Variants in NELL1 observed in about 807,000 individuals in gnomAD.
The protein encoded by NELL1 is protein kinase C-binding protein NELL1.
A neutral mutation model predicts 107.4 loss-of-function variants in NELL1; 76 were observed. The ratio of observed to expected loss-of-function variants is 0.71; its 90% CI spans 0.59 to 0.86. The LOEUF (loss-of-function observed/expected upper bound fraction) is 0.86. NELL1 is among the 40% of genes least tolerant of loss of function. The probability of loss-of-function intolerance (pLI) is 0.00; values close to 1 mark genes in which losing one functional copy is unlikely to be tolerated. For missense variants in NELL1, 1,024 were observed against 1,005.5 expected (o/e 1.02, Z -0.25); for synonymous variants, 353 against 341.2 (o/e 1.03, Z -0.38).
At chr11:20,709,722 G>A (rs1000560260) in intron 2 of NELL1, among the ~76,000 whole-genome samples, 1 of 152,078 alleles carries the variant, frequency 6.6e-6, no homozygotes, top group African/African-American at 2.4e-5. Flanking sequence ...TCTTTCAATA[G>A]TGTTTTGTAG....
chr11:20,920,446 G>C (rs539236314), intron 7 of NELL1, among the ~76,000 whole-genome samples: 1 of 152,122 alleles, frequency 6.6e-6, no homozygotes, highest in South Asian at 2.1e-4. Flanking sequence ...TTTTTGTCTG[G>C]AAAGGAGAGA....
chr11:21,045,829 G>T (rs1433155926), intron 12 of NELL1, among the ~76,000 whole-genome samples: 1 of 152,030 alleles, frequency 6.6e-6, no homozygotes, highest in Non-Finnish European at 1.5e-5. Context: ...CTTTAGTTTA[G>T]TCATAAATGC....
chr11:21,038,589 G>A (rs943771611), intron 12 of NELL1, among the ~76,000 whole-genome samples: 8 of 152,162 alleles, frequency 5.3e-5, no homozygotes, highest in Non-Finnish European at 8.8e-5. Context: ...CAACTCAAAC[G>A]CCACTGCCAA....
At chr11:20,814,250 T>C (rs1048458665) in intron 3 of NELL1, among the ~76,000 whole-genome samples, 7 of 152,210 alleles carry the variant, frequency 4.6e-5, no homozygotes, top group African/African-American at 9.6e-5. Context: ...CGCCTCGGCC[T>C]CCCAAAGTGC....
chr11:21,184,030 G>A (rs750417943), intron 13 of NELL1, among the ~76,000 whole-genome samples: 14 of 151,798 alleles, frequency 9.2e-5, no homozygotes, highest in Non-Finnish European at 1.9e-4. Context: ...AGGGCAATGC[G>A]ATATAGAGGC....
rs192634987 is a variant in NELL1, at chr11:20,778,177, T to C, written c.185-5503T>C. Among the ~76,000 whole-genome samples the C allele has an allele frequency of 2.6e-3, 400 of 152,348 alleles. 6 individuals carry two copies. The highest frequency in any genetic ancestry group is 0.025 in the Admixed American group (388 of 15,310). ...GGTTCAATTATATCCTCCATGATGT[T>C]ATCCCCAATCTCTATGGGCCTCCTC... On this transcript the variant is annotated intron_variant, in intron 2 of 19. Transcript: ENST00000357134.
At chr11:21,417,886 T>C (rs1190588459) in intron 15 of NELL1, among the ~76,000 whole-genome samples, 3 of 151,994 alleles carry the variant, frequency 2.0e-5, no homozygotes, top group African/African-American at 7.2e-5. Flanking sequence ...ACAAAACAAG[T>C]CTATCTTCTC....
intron 12 of NELL1, among the ~76,000 whole-genome samples, chr11:21,105,303 C>T (rs1274462961): frequency 6.6e-6 from 1 of 152,074 alleles, no homozygotes; most frequent in African/African-American, 2.4e-5. Flanking sequence ...GGAATTTCTG[C>T]CCAAGGCAAA....
intron 14 of NELL1, among the ~76,000 whole-genome samples, chr11:21,304,760 A>G (rs1240535746): frequency 2.0e-5 from 3 of 151,848 alleles, no homozygotes; most frequent in Admixed American, 6.6e-5. Context: ...TAATTATTCT[A>G]TATTGTTTCT....
At chr11:20,831,929 T>A (rs568222391) in intron 3 of NELL1, among the ~76,000 whole-genome samples, 1 of 152,318 alleles carries the variant, frequency 6.6e-6, no homozygotes, top group Non-Finnish European at 1.5e-5. Context: ...CAAATAGATT[T>A]TATAGATGAA....
intron 2 of NELL1, among the ~76,000 whole-genome samples, chr11:20,741,246 C>T (rs1370553197): frequency 6.6e-6 from 1 of 152,086 alleles, no homozygotes; most frequent in Non-Finnish European, 1.5e-5. Context: ...GTGTTTTTCC[C>T]TCTGCCTTGA....
intron 15 of NELL1, among the ~76,000 whole-genome samples, chr11:21,450,892 A>G (rs1853560288): frequency 2.0e-5 from 3 of 152,068 alleles, no homozygotes; most frequent in Non-Finnish European, 4.4e-5. Flanking sequence ...ATATTTTTAG[A>G]AAGAAATGGA....
At chr11:21,202,314 G>A (rs1436432083) in intron 13 of NELL1, among the ~76,000 whole-genome samples, 2 of 152,072 alleles carry the variant, frequency 1.3e-5, no homozygotes, top group Non-Finnish European at 2.9e-5. Context: ...ACTTGTTATT[G>A]GTTTATTCAG....
At chr11:21,182,947 A>G (rs1395393521) in intron 13 of NELL1, among the ~76,000 whole-genome samples, 1 of 151,908 alleles carries the variant, frequency 6.6e-6, no homozygotes, top group Non-Finnish European at 1.5e-5. Context: ...AGAAGCTAAA[A>G]GGGAACAAAC....
chr11:20,805,243 T>C (rs1441227066), intron 3 of NELL1, among the ~76,000 whole-genome samples: 1 of 152,154 alleles, frequency 6.6e-6, no homozygotes, highest in African/African-American at 2.4e-5. Context: ...TTTTTACAAC[T>C]CAGCCAGACA....
In NELL1 at chr11:21,334,153, G is replaced by A. The variant is rs74850077; in HGVS notation, c.1550-36700G>A. Among the ~76,000 whole-genome samples the A allele has an allele frequency of 1.3e-3, 193 of 152,104 alleles. 7 individuals are homozygous for A. The East Asian group carries it at 0.035, about 27-fold the overall frequency. Reference sequence around the variant, plus strand: ...GAACTTATTCCTACCTTCAAGGAACGTGTGTAGAAGAATAGACAAACATTA... The same window carrying A: ...GAACTTATTCCTACCTTCAAGGAACATGTGTAGAAGAATAGACAAACATTA... On this transcript the variant is annotated intron_variant, in intron 14 of 19. Transcript: ENST00000357134.
At chr11:21,342,474 A>C (rs1345345711) in intron 14 of NELL1, among the ~76,000 whole-genome samples, 4 of 150,668 alleles carry the variant, frequency 2.7e-5, no homozygotes, top group Non-Finnish European at 5.9e-5. Context: ...GCAAGACCAC[A>C]TTTCTACACA....
At chr11:20,804,584 A>G (rs2134005987) in intron 3 of NELL1, among the ~76,000 whole-genome samples, 1 of 152,280 alleles carries the variant, frequency 6.6e-6, no homozygotes, top group Non-Finnish European at 1.5e-5. Flanking sequence ...ATGTGTTTGT[A>G]TAGTTTCCAT....
chr11:21,549,943 T>C (rs1856536796), intron 16 of NELL1, among the ~76,000 whole-genome samples: 1 of 151,762 alleles, frequency 6.6e-6, no homozygotes, highest in Non-Finnish European at 1.5e-5. Flanking sequence ...AGGCAGGGGC[T>C]TCAACATGAG....
Sources: allele counts gnomAD v4.1 joint callset (sites outside exome capture counted in the v4.1 genomes callset), GRCh38; gene constraint gnomAD v4.1.1; transcripts MANE v1.5; gene names NCBI Gene and HGNC (gene_info 2026-07-23, HGNC 2026-07-21).